Variants in C8orf34 observed in about 807,000 individuals in gnomAD.
The protein encoded by C8orf34 is uncharacterized protein C8orf34.
Under a neutral mutation model 68.3 loss-of-function variants are expected in C8orf34, and 65 were observed. The observed-to-expected ratio is 0.95, with a 90% CI of 0.78 to 1.17. The LOEUF is 1.17. C8orf34 is among the 50% of genes most tolerant of loss of function. The pLI is 0.00. For missense variants in C8orf34, 664 were observed against 655.4 expected (o/e 1.01, Z -0.14); for synonymous variants, 244 against 241.2 (o/e 1.01, Z -0.11).
intron 8 of C8orf34, among the ~76,000 whole-genome samples, chr8:68,675,347 T>C (rs1398435597): frequency 1.3e-5 from 2 of 151,978 alleles, no homozygotes; most frequent in East Asian, 3.9e-4. Context: ...TGATCAAAAA[T>C]AATTACAACA....
chr8:68,447,044 G>T, intron 3 of C8orf34: 1 of 153,420 alleles, frequency 6.5e-6, no homozygotes, highest in South Asian at 1.9e-4. Flanking sequence ...CGGTTCTGCA[G>T]ACTGTACAAG....
intron 3 of C8orf34, among the ~76,000 whole-genome samples, chr8:68,456,661 A>ATATAATAATC (rs1434900166): frequency 1.3e-5 from 2 of 152,224 alleles, no homozygotes; most frequent in African/African-American, 2.4e-5. Context: ...GTAACATTAT[A>ATATAATAATC]TTATCAATCT....
intron 1 of C8orf34, among the ~76,000 whole-genome samples, chr8:68,381,208 G>A (rs560090326): frequency 6.6e-6 from 1 of 152,280 alleles, no homozygotes; most frequent in African/African-American, 2.4e-5. Context: ...TTTAAAAAGG[G>A]AAACCAGTAA....
intron 9 of C8orf34, among the ~76,000 whole-genome samples, chr8:68,720,285 CT>C (rs1278332687): frequency 1.3e-5 from 2 of 151,904 alleles, no homozygotes; most frequent in Non-Finnish European, 2.9e-5. Context: ...AGAAACTTGT[CT>C]TCTTGAATGT....
At chr8:68,590,197 AAG>A (rs1586418280) in intron 7 of C8orf34, among the ~76,000 whole-genome samples, 1 of 137,186 alleles carries the variant, frequency 7.3e-6, no homozygotes, top group African/African-American at 2.6e-5. Context: ...GGAAGAGAGA[AAG>A]GGGGAGGGAG....
chr8:68,617,344 T>C (rs1818254372), intron 7 of C8orf34, among the ~76,000 whole-genome samples: 1 of 152,194 alleles, frequency 6.6e-6, no homozygotes, highest in African/African-American at 2.4e-5. Flanking sequence ...TTAGCTGTTA[T>C]TTTGCTCGTT....
intron 1 of C8orf34, among the ~76,000 whole-genome samples, chr8:68,360,615 A>T (rs771245155): frequency 2.0e-5 from 3 of 152,024 alleles, no homozygotes; most frequent in Non-Finnish European, 4.4e-5. Context: ...TTCAAAATCT[A>T]CTTAACTATA....
At chr8:68,583,225 A>C (rs1817116902) in intron 7 of C8orf34, among the ~76,000 whole-genome samples, 5 of 152,164 alleles carry the variant, frequency 3.3e-5, no homozygotes, top group Admixed American at 3.3e-4. Flanking sequence ...TACAGCAGAA[A>C]TAGATAATAG....
At chr8:68,594,872 C>T (rs1218445363) in intron 7 of C8orf34, among the ~76,000 whole-genome samples, 3 of 151,896 alleles carry the variant, frequency 2.0e-5, no homozygotes, top group Non-Finnish European at 4.4e-5. Context: ...TTTCTGCTTT[C>T]ATACCTTTAA....
chr8:68,622,748 C>G (rs1360739892), intron 7 of C8orf34, among the ~76,000 whole-genome samples: 1 of 151,356 alleles, frequency 6.6e-6, no homozygotes, highest in Non-Finnish European at 1.5e-5. Flanking sequence ...GTTGAGAGAA[C>G]AAAAAAATAA....
intron 8 of C8orf34, among the ~76,000 whole-genome samples, chr8:68,704,878 T>G (rs1821119780): frequency 6.6e-6 from 1 of 152,142 alleles, no homozygotes; most frequent in Admixed American, 6.6e-5. Context: ...CTAAAATATT[T>G]AAAGCATGAG....
At chr8:68,704,613 C>A (rs934677207) in intron 8 of C8orf34, among the ~76,000 whole-genome samples, 1 of 151,986 alleles carries the variant, frequency 6.6e-6, no homozygotes, top group Non-Finnish European at 1.5e-5. Context: ...GAGAAGCTGG[C>A]TAAAATTACT....
At chr8:68,398,808 T>C (rs1186565620) in intron 1 of C8orf34, among the ~76,000 whole-genome samples, 1 of 152,150 alleles carries the variant, frequency 6.6e-6, no homozygotes, top group Non-Finnish European at 1.5e-5. Context: ...AATATGCAAT[T>C]TTAACATTGG....
intron 1 of C8orf34, among the ~76,000 whole-genome samples, chr8:68,349,685 C>T (rs778451011): frequency 2.0e-5 from 3 of 151,964 alleles, no homozygotes; most frequent in Non-Finnish European, 4.4e-5. Context: ...GAATCGATTT[C>T]TCCCTTGCTC....
chr8:68,465,755 AACACATGGAC>A (rs1395717486), intron 3 of C8orf34, among the ~76,000 whole-genome samples: 3 of 151,588 alleles, frequency 2.0e-5, no homozygotes, highest in Non-Finnish European at 4.4e-5. Context: ...GAACAATGAG[AACACATGGAC>A]ACAGGAAGGG....
intron 5 of C8orf34, among the ~76,000 whole-genome samples, chr8:68,510,311 G>C (rs1258670376): frequency 1.3e-5 from 2 of 152,150 alleles, no homozygotes; most frequent in Non-Finnish European, 2.9e-5. Flanking sequence ...TGGGTGGATG[G>C]TGCTTGGCTT....
At chr8:68,596,980 T>G (rs1246097284) in intron 7 of C8orf34, among the ~76,000 whole-genome samples, 3 of 152,198 alleles carry the variant, frequency 2.0e-5, no homozygotes, top group Non-Finnish European at 2.9e-5. Context: ...TCCATGTACA[T>G]GCGGTTTCTT....
intron 3 of C8orf34, among the ~76,000 whole-genome samples, chr8:68,461,330 G>A (rs1052605627): frequency 6.6e-6 from 1 of 152,238 alleles, no homozygotes. Context: ...GTACCTGAAA[G>A]TGACAGGGAG....
chr8:68,446,507 T>A, intron 3 of C8orf34, 47 bp downstream of exon 3: 1 of 1,560,400 alleles, frequency 6.4e-7, no homozygotes, highest in African/African-American at 1.4e-5. Context: ...TGTAAGTTTA[T>A]GTTGTTAAGA....
Sources: allele counts gnomAD v4.1 joint callset (sites outside exome capture counted in the v4.1 genomes callset), GRCh38; gene constraint gnomAD v4.1.1; transcripts MANE v1.5; gene names NCBI Gene and HGNC (gene_info 2026-07-23, HGNC 2026-07-21).